Variants in G2E3 observed in about 807,000 individuals in gnomAD.
G2E3 encodes the protein G2/M phase-specific E3 ubiquitin-protein ligase.
G2E3 carries 35 observed loss-of-function variants against 92.8 expected under a neutral mutation model. That is an observed-to-expected ratio of 0.38 (90% CI 0.29 to 0.50). The LOEUF is 0.50. Ranked by LOEUF, G2E3 falls within the 20% of genes least tolerant of loss-of-function variation. The pLI, the probability that G2E3 is intolerant of heterozygous loss-of-function variation, is 0.94. For synonymous variants in G2E3, 242 were observed against 272.4 expected, an observed-to-expected ratio of 0.89 and a Z score of 1.10; for missense variants, 554 against 823.8, an observed-to-expected ratio of 0.67 and a Z score of 4.01.
rs540034557 is a variant in G2E3 at position 30,617,709 on chromosome 14, C to G, written c.*1175C>G. The G allele has an allele frequency of 1.9e-4, 29 of 152,198 alleles. No individual in the cohort carries two copies. The highest frequency in any genetic ancestry group is 6.3e-4 in the African/African-American group (26 of 41,556). 9.4% of individuals were successfully genotyped at this position (152,198 alleles called of 1,614,324 possible). On this transcript the variant is annotated 3_prime_UTR_variant, in exon 15 of 15. Transcript: ENST00000206595. Reference sequence around the variant, plus strand: ...ATTTCTGTGTATCCTTCTATAAACTCTTTACTTCTGTTTCCTTTATTTTTT... The same window carrying G: ...ATTTCTGTGTATCCTTCTATAAACTGTTTACTTCTGTTTCCTTTATTTTTT...
chr14:30,602,926 T>C (rs1156234418), intron 10 of G2E3: 1 of 152,236 alleles, frequency 6.6e-6, no homozygotes, highest in African/African-American at 2.4e-5. Context: ...TTTGATGTTA[T>C]AATCATTGTT....
chr14:30,577,646 A>T (rs1204902324), intron 1 of G2E3: 1 of 152,242 alleles, frequency 6.6e-6, no homozygotes, highest in Non-Finnish European at 1.5e-5. Context: ...ATGACATGGC[A>T]GCTGGCTTCC....
At position 30,617,338 on chromosome 14, in the gene G2E3, T is replaced by G. The variant is rs1882359627; in HGVS notation, c.*804T>G. 6.6e-6 allele frequency: 1 copy of G among 152,110 alleles called. No homozygotes were observed. The highest frequency in any genetic ancestry group is 2.4e-5 in the African/African-American group (1 of 41,432). 9.4% of individuals were successfully genotyped at this position (152,110 alleles called of 1,614,324 possible). On this transcript the variant is annotated 3_prime_UTR_variant, in exon 15 of 15. Coordinates refer to ENST00000206595, the MANE Select transcript of G2E3 (RefSeq NM_017769.5). ...AAACACTTTTGAGGTGGATAACATT[T>G]AGTTGAAAATACCTAAGAAAGTGTG...
chr14:30,561,420 A>G (rs1288422990), intron 1 of G2E3, among the ~76,000 whole-genome samples: 1 of 152,166 alleles, frequency 6.6e-6, no homozygotes, highest in Non-Finnish European at 1.5e-5. Flanking sequence ...TGTCTACCAT[A>G]TATAATTCAA....
chr14:30,560,649 CTTTA>C (rs2138745649), intron 1 of G2E3: 5 of 609,918 alleles, frequency 8.2e-6, no homozygotes, highest in South Asian at 2.0e-5. Flanking sequence ...ATCCTAATCT[CTTTA>C]TTTTTTTCTA....
chr14:30,609,825 A>G (rs776503544), intron 12 of G2E3, among the ~76,000 whole-genome samples: 1 of 151,726 alleles, frequency 6.6e-6, no homozygotes, highest in Non-Finnish European at 1.5e-5. Context: ...AGTCATTTTC[A>G]TACTCCTCCA....
intron 3 of G2E3, among the ~76,000 whole-genome samples, chr14:30,589,155 T>C (rs1439324894): frequency 1.3e-5 from 2 of 152,110 alleles, no homozygotes; most frequent in East Asian, 1.9e-4. Context: ...TGGAATACTT[T>C]TAGAAACTAA....
chr14:30,594,417 TG>T, intron 6 of G2E3, among the ~76,000 whole-genome samples: 1 of 152,240 alleles, frequency 6.6e-6, no homozygotes, highest in East Asian at 1.9e-4. Context: ...AGGCCGGGTG[TG>T]GTGGCTCACG....
At chr14:30,573,588 T>C (rs948108488) in intron 1 of G2E3, 2 of 152,152 alleles carry the variant, frequency 1.3e-5, no homozygotes, top group Non-Finnish European at 2.9e-5. Flanking sequence ...TTTGAATGTC[T>C]GGAGCCAAAC....
In G2E3 at chr14:30,617,252, TC is replaced by T. The variant is rs1882355311; in HGVS notation, c.*719del. 6.6e-6 allele frequency: 1 copy of T among 150,914 alleles called. No individual in the cohort carries two copies. Among genetic ancestry groups the T allele is most frequent in the Non-Finnish European group, 1.5e-5 (1 of 67,640 alleles). 9.3% of individuals were successfully genotyped at this position (150,914 alleles called of 1,614,324 possible). On this transcript the variant is annotated 3_prime_UTR_variant, in exon 15 of 15. Transcript: ENST00000206595. The stretch of plus-strand genomic sequence containing the variant: ...GCCTGGCAATGTAGCAAAGACTCCA[TC>T]TCAAAAAAAAAAACAGAATTGCACA...
intron 10 of G2E3, 63 bp from the exon 11 acceptor site, chr14:30,605,442 A>G: frequency 1.7e-6 from 1 of 603,068 alleles, no homozygotes; most frequent in East Asian, 2.9e-5. Flanking sequence ...TGGCTATATA[A>G]CTGCTGTTTC....
intron 10 of G2E3, among the ~76,000 whole-genome samples, 167 bp from the exon 11 acceptor site, chr14:30,605,336 CTG>C (rs1881779770): frequency 6.6e-6 from 1 of 152,230 alleles, no homozygotes; most frequent in South Asian, 2.1e-4. Flanking sequence ...TATCAAATAA[CTG>C]TTTTTGGTTC....
intron 1 of G2E3, among the ~76,000 whole-genome samples, chr14:30,562,642 A>T (rs1879176425): frequency 6.6e-6 from 1 of 151,940 alleles, no homozygotes; most frequent in Non-Finnish European, 1.5e-5. Flanking sequence ...CTACTCCTCC[A>T]CCTCTTGTGG....
intron 1 of G2E3, among the ~76,000 whole-genome samples, chr14:30,580,201 T>TG (rs1457434146): frequency 1.3e-5 from 2 of 151,836 alleles, no homozygotes; most frequent in African/African-American, 2.4e-5. Context: ...GGATTGTTTT[T>TG]GTTTTTTTTT....
chr14:30,571,577 C>T (rs573418429), intron 1 of G2E3, among the ~76,000 whole-genome samples: 2 of 151,774 alleles, frequency 1.3e-5, no homozygotes, highest in South Asian at 4.2e-4. Context: ...TCTTGTGATC[C>T]AATTTGAATT....
intron 5 of G2E3, among the ~76,000 whole-genome samples, 188 bp downstream of exon 5, chr14:30,592,635 C>T (rs1881078674): frequency 1.4e-5 from 2 of 141,980 alleles, no homozygotes; most frequent in Admixed American, 7.0e-5. Context: ...TGAGAATTAC[C>T]ATGTCTAGGA....
chr14:30,610,592 G>A (rs917021779), intron 12 of G2E3, among the ~76,000 whole-genome samples: 1 of 152,212 alleles, frequency 6.6e-6, no homozygotes, highest in Non-Finnish European at 1.5e-5. Flanking sequence ...AACAGAGTGA[G>A]ACTCCATCCC....
At chr14:30,582,275 AC>A (rs1880475709) in intron 2 of G2E3, among the ~76,000 whole-genome samples, 1 of 152,208 alleles carries the variant, frequency 6.6e-6, no homozygotes, top group African/African-American at 2.4e-5. Context: ...TACACTAGAC[AC>A]CAATCTTAAT....
intron 13 of G2E3, among the ~76,000 whole-genome samples, chr14:30,613,535 G>GC (rs1368728177): frequency 3.3e-5 from 5 of 151,986 alleles, no homozygotes; most frequent in African/African-American, 1.2e-4. Flanking sequence ...GTACATTTTA[G>GC]CCTAAGGAAC....
Sources: allele counts gnomAD v4.1 joint callset (sites outside exome capture counted in the v4.1 genomes callset), GRCh38; gene constraint gnomAD v4.1.1; transcripts MANE v1.5; gene names NCBI Gene and HGNC (gene_info 2026-07-23, HGNC 2026-07-21).